The following KCNMA1 variants were observed in gnomAD, a reference collection of about 807,000 sequenced individuals.
The protein encoded by KCNMA1 is Calcium-activated potassium channel subunit alpha-1.
Under a neutral mutation model 140.0 loss-of-function variants are expected in KCNMA1, and 29 were observed. That is an observed-to-expected ratio of 0.21 (90% CI 0.15 to 0.28). KCNMA1 has a LOEUF of 0.28. Among genes scored for constraint, KCNMA1 ranks in the 10% least tolerant of loss-of-function variants. The pLI is 1.00. For missense variants in KCNMA1, 880 were observed against 1,602.2 expected, an observed-to-expected ratio of 0.55 and a Z score of 7.70; for synonymous variants, 612 against 611.9, an observed-to-expected ratio of 1.00 and a Z score of 0.00.
chr10:77,057,929 A>G (rs775473451), intron 14 of KCNMA1, among the ~76,000 whole-genome samples: 2 of 151,950 alleles, frequency 1.3e-5, no homozygotes, highest in Non-Finnish European at 2.9e-5. Context: ...ATAATATTAT[A>G]GATAAATTGT....
At chr10:76,994,730 G>A (rs186117908) in intron 19 of KCNMA1, among the ~76,000 whole-genome samples, 1 of 152,300 alleles carries the variant, frequency 6.6e-6, no homozygotes, top group Admixed American at 6.5e-5. Context: ...CTCTGTGCTT[G>A]CAGCTTCTAG....
intron 1 of KCNMA1, chr10:77,636,794 C>G: frequency 6.9e-7 from 1 of 1,452,406 alleles, no homozygotes; most frequent in Non-Finnish European, 9.0e-7. Context: ...ACCCCACGAA[C>G]TCATCTCCCC....
intron 1 of KCNMA1, among the ~76,000 whole-genome samples, chr10:77,406,782 C>T (rs1184661346): frequency 6.6e-6 from 1 of 152,104 alleles, no homozygotes; most frequent in African/African-American, 2.4e-5. Context: ...ACATCTGAGG[C>T]TCTAGTGTTT....
chr10:77,147,125 G>A (rs551900651), intron 5 of KCNMA1, among the ~76,000 whole-genome samples: 3 of 152,334 alleles, frequency 2.0e-5, no homozygotes, highest in Non-Finnish European at 4.4e-5. Flanking sequence ...GCTGACAAGT[G>A]AGTAATCTGA....
In KCNMA1 at chr10:77,010,341, G is replaced by T. The variant is rs140246500; in HGVS notation, c.2092+1626C>A. Among the ~76,000 whole-genome samples the T allele has an allele frequency of 2.0e-5, 3 of 152,150 alleles. No individual in the cohort carries two copies. In the East Asian group the frequency reaches 5.8e-4, roughly 30 times the overall value. On this transcript the variant is annotated intron_variant, in intron 18 of 27. Coordinates refer to ENST00000286628, the MANE Select transcript of KCNMA1 (RefSeq NM_001161352.2). Reference sequence around the variant, plus strand: ...CAACTAAGCATGGCTGGGATGGACTGCCTGGTGAAGAAGGTCTTTGGATTC... The same window carrying T: ...CAACTAAGCATGGCTGGGATGGACTTCCTGGTGAAGAAGGTCTTTGGATTC...
At chr10:77,112,977 T>C (rs2097362219) in intron 6 of KCNMA1, among the ~76,000 whole-genome samples, 1 of 152,152 alleles carries the variant, frequency 6.6e-6, no homozygotes, top group African/African-American at 2.4e-5. Flanking sequence ...ATTGCACGCC[T>C]CAGAAAATTA....
chr10:77,013,735 G>T (rs1364767095), intron 17 of KCNMA1, among the ~76,000 whole-genome samples: 4 of 152,218 alleles, frequency 2.6e-5, no homozygotes, highest in East Asian at 1.9e-4. Context: ...ACCCTTTGAA[G>T]GAGGTATGAT....
At chr10:77,619,905 G>C (rs370655813) in intron 1 of KCNMA1, among the ~76,000 whole-genome samples, 1 of 152,200 alleles carries the variant, frequency 6.6e-6, no homozygotes, top group African/African-American at 2.4e-5. Context: ...TTGGAGGATG[G>C]AGGAGGTGGA....
At chr10:76,935,733 C>T (rs759568800) in intron 23 of KCNMA1, among the ~76,000 whole-genome samples, 3 of 152,214 alleles carry the variant, frequency 2.0e-5, no homozygotes, top group Non-Finnish European at 4.4e-5. Flanking sequence ...CCCAAGACCA[C>T]CCAAAATCTG....
In KCNMA1 at chr10:77,366,148, C is replaced by CTCTT. The variant is rs1224836931; in HGVS notation, c.540+37710_540+37713dup. Among the ~76,000 whole-genome samples, 8 of 149,894 alleles carry CTCTT rather than the reference C, an allele frequency of 5.3e-5. No homozygotes were observed. The South Asian group carries it at 1.7e-3, about 32-fold the overall frequency. On this transcript the variant is annotated intron_variant, in intron 2 of 27. Coordinates refer to ENST00000286628, the MANE Select transcript of KCNMA1 (RefSeq NM_001161352.2). ...TCTTTTCTTCTCTCTCTCTCTCTTT[C>CTCTT]TCTTTCTTTCTTTCTTCCTTCCTTT...
At chr10:77,040,520 A>T (rs1460928141) in intron 14 of KCNMA1, among the ~76,000 whole-genome samples, 3 of 152,230 alleles carry the variant, frequency 2.0e-5, no homozygotes, top group Non-Finnish European at 4.4e-5. Context: ...ACATTATAAA[A>T]TAGTGTACAT....
At chr10:77,180,587 A>G (rs1388624035) in intron 5 of KCNMA1, among the ~76,000 whole-genome samples, 1 of 152,164 alleles carries the variant, frequency 6.6e-6, no homozygotes, top group Non-Finnish European at 1.5e-5. Context: ...CTTCCTAACC[A>G]TACCGTATCA....
At chr10:77,450,734 T>C (rs573175209) in intron 1 of KCNMA1, among the ~76,000 whole-genome samples, 1 of 152,272 alleles carries the variant, frequency 6.6e-6, no homozygotes, top group East Asian at 1.9e-4. Flanking sequence ...GTACAGGGGA[T>C]AGAAGGGCCC....
intron 23 of KCNMA1, among the ~76,000 whole-genome samples, chr10:76,917,640 G>A (rs1224653701): frequency 6.6e-6 from 1 of 152,066 alleles, no homozygotes; most frequent in African/African-American, 2.4e-5. Flanking sequence ...CTCTGTTGAA[G>A]GCCCAACTCT....
chr10:77,377,300 C>A (rs2095186601), intron 2 of KCNMA1, among the ~76,000 whole-genome samples: 1 of 152,164 alleles, frequency 6.6e-6, no homozygotes, highest in African/African-American at 2.4e-5. Flanking sequence ...CTGACAAGGC[C>A]TCTCTCTTTC....
At chr10:77,156,534 G>A (rs1173674366) in intron 5 of KCNMA1, among the ~76,000 whole-genome samples, 2 of 152,186 alleles carry the variant, frequency 1.3e-5, no homozygotes, top group Non-Finnish European at 2.9e-5. Flanking sequence ...TAACCTTTAA[G>A]CAAGGACAGT....
chr10:77,385,716 CAGA>C (rs1260486548), intron 2 of KCNMA1, among the ~76,000 whole-genome samples: 5 of 152,258 alleles, frequency 3.3e-5, no homozygotes, highest in Non-Finnish European at 7.4e-5. Context: ...TGGAGGAGAG[CAGA>C]AGAAGGACAG....
At chr10:77,092,665 C>T (rs2096842211) in intron 9 of KCNMA1, among the ~76,000 whole-genome samples, 2 of 152,192 alleles carry the variant, frequency 1.3e-5, no homozygotes, top group African/African-American at 2.4e-5. Flanking sequence ...AGGTTAATAC[C>T]ACCCAGCCGG....
At chr10:76,956,688 A>T (rs563279708) in intron 20 of KCNMA1, among the ~76,000 whole-genome samples, 1 of 152,334 alleles carries the variant, frequency 6.6e-6, no homozygotes, top group Admixed American at 6.5e-5. Flanking sequence ...GCAGGAAAAA[A>T]ATATATATAC....
Sources: allele counts gnomAD v4.1 joint callset (sites outside exome capture counted in the v4.1 genomes callset), GRCh38; gene constraint gnomAD v4.1.1; transcripts MANE v1.5; gene names NCBI Gene and HGNC (gene_info 2026-07-23, HGNC 2026-07-21).